CPVL: variants seen among roughly 807,000 people sequenced by gnomAD.
CPVL encodes the protein probable serine carboxypeptidase CPVL.
CPVL carries 51 observed loss-of-function variants against 63.7 expected under a neutral mutation model. That is an observed-to-expected ratio of 0.80 (90% CI 0.64 to 1.01). The LOEUF (loss-of-function observed/expected upper bound fraction) is 1.01. Ranked by LOEUF, CPVL falls within the 50% of genes least tolerant of loss-of-function variation. The pLI is 0.00. For synonymous variants in CPVL, 195 were observed against 206.0 expected (o/e 0.95, Z 0.46); for missense variants, 530 against 573.1 (o/e 0.92, Z 0.77).
chr7:29,145,229 C>T (rs245873), intron 1 of CPVL, among the ~76,000 whole-genome samples: 95,944 of 151,660 alleles, frequency 0.63, 30,473 homozygotes, highest in East Asian at 0.69. Context: ...GGACTTTTTA[C>T]TCTGCTTACA....
intron 12 of CPVL, among the ~76,000 whole-genome samples, chr7:29,026,481 T>C (rs904760481): frequency 6.6e-6 from 1 of 151,508 alleles, no homozygotes; most frequent in African/African-American, 2.4e-5. Context: ...AAAGGAATAA[T>C]AACAATCAGA....
intron 6 of CPVL, among the ~76,000 whole-genome samples, chr7:29,091,706 T>C (rs1402662452): frequency 1.3e-5 from 2 of 152,190 alleles, no homozygotes; most frequent in Non-Finnish European, 2.9e-5. Flanking sequence ...ACAACAGCCA[T>C]ATTCTTTTCT....
At chr7:29,005,314 C>T (rs1359390273) in intron 12 of CPVL, among the ~76,000 whole-genome samples, 33 of 152,050 alleles carry the variant, frequency 2.2e-4, no homozygotes, top group Admixed American at 2.2e-3. Context: ...ATTTTTTTCC[C>T]TTTAAGAAGT....
chr7:29,059,200 A>G (rs147901914), intron 11 of CPVL, among the ~76,000 whole-genome samples: 1 of 152,226 alleles, frequency 6.6e-6, no homozygotes, highest in African/African-American at 2.4e-5. Flanking sequence ...AGCCCACCAA[A>G]GACATTCTTT....
At chr7:29,179,371 C>T (rs1265227256) in intron 5 of CPVL, among the ~76,000 whole-genome samples, 1 of 152,238 alleles carries the variant, frequency 6.6e-6, no homozygotes, top group East Asian at 1.9e-4. Flanking sequence ...TGTCAGCCTT[C>T]TTCAGTCAGC....
rs200114640 is a variant in CPVL at position 29,112,657 on chromosome 7, G to A, written c.288+47C>T. ...TAGGCTAACATTTCTACCCTCAAAC[G>A]GCAAGCCAGGTCTTGAACACTGGTG... is the stretch of plus-strand genomic sequence containing the variant. On this transcript the variant is annotated intron_variant, in intron 3 of 12. Transcript: ENST00000265394. The A allele has an allele frequency of 2.1e-4, 274 of 1,276,190 alleles. 3 individuals are homozygous for A. The Middle Eastern group carries it at 5.3e-3, about 25-fold the overall frequency. 79.1% of individuals were successfully genotyped at this position (1,276,190 alleles called of 1,614,324 possible). A position where few individuals can be genotyped will look rare whatever the true frequency, so the allele number is the denominator to read the frequency against.
intron 2 of CPVL, 172 bp from the exon 3 acceptor site, chr7:29,112,994 A>G: frequency 1.9e-6 from 1 of 538,892 alleles, no homozygotes; most frequent in Non-Finnish European, 3.3e-6. Flanking sequence ...AATCCCACAT[A>G]GTCCACGTTC....
intron 11 of CPVL, among the ~76,000 whole-genome samples, chr7:29,051,532 AAAACCACCATGCGATACC>A (rs1790160815): frequency 6.6e-6 from 1 of 152,254 alleles, no homozygotes; most frequent in Admixed American, 6.5e-5. Context: ...AATGCAAATT[AAAACCACCATGCGATACC>A]ACCTCACTCC....
chr7:29,073,933 A>T (rs1783990062), intron 7 of CPVL, among the ~76,000 whole-genome samples: 1 of 152,210 alleles, frequency 6.6e-6, no homozygotes, highest in African/African-American at 2.4e-5. Flanking sequence ...CAGACTAGAG[A>T]CATTATGTGG....
At chr7:28,998,520 G>A (rs1784308232) in intron 12 of CPVL, among the ~76,000 whole-genome samples, 1 of 152,176 alleles carries the variant, frequency 6.6e-6, no homozygotes, top group Admixed American at 6.5e-5. Context: ...TGGGAAACAA[G>A]TATTACCTCG....
intron 5 of CPVL, among the ~76,000 whole-genome samples, chr7:29,172,577 CT>C (rs1378517332): frequency 6.6e-6 from 1 of 152,118 alleles, no homozygotes; most frequent in Non-Finnish European, 1.5e-5. Flanking sequence ...TGTTAACACC[CT>C]CCAGATAAAT....
upstream of CPVL, among the ~76,000 whole-genome samples, chr7:29,150,292 C>T (rs1793411860): frequency 6.6e-6 from 1 of 152,046 alleles, no homozygotes; most frequent in Non-Finnish European, 1.5e-5. Context: ...AGCTATCTTG[C>T]GGTATTATCA....
At chr7:29,179,839 G>C (rs1043218315) in intron 5 of CPVL, among the ~76,000 whole-genome samples, 1 of 152,178 alleles carries the variant, frequency 6.6e-6, no homozygotes, top group Non-Finnish European at 1.5e-5. Flanking sequence ...CTGAGTTAGT[G>C]CATGTGAGGA....
At chr7:29,146,626 A>G (rs1792723952), upstream of CPVL, 13 of 1,550,538 alleles carry the variant, frequency 8.4e-6, no homozygotes, top group Middle Eastern at 1.7e-4. Flanking sequence ...GTCGTGTCCC[A>G]ACCTCCTGGT....
At chr7:29,154,137 A>G (rs1208082170) in intron 5 of CPVL, among the ~76,000 whole-genome samples, 4 of 152,248 alleles carry the variant, frequency 2.6e-5, no homozygotes, top group African/African-American at 7.2e-5. Context: ...TCACCACATC[A>G]CAGCCTCATT....
chr7:29,028,266 T>C (rs932079345), intron 12 of CPVL, among the ~76,000 whole-genome samples: 2 of 152,172 alleles, frequency 1.3e-5, no homozygotes, highest in African/African-American at 2.4e-5. Flanking sequence ...ACTAAACCCC[T>C]ATCTCTCACC....
chr7:29,065,978 A>G (rs1242438782), intron 10 of CPVL, 45 bp downstream of exon 10: 1 of 1,261,312 alleles, frequency 7.9e-7, no homozygotes, highest in East Asian at 2.3e-5. Context: ...CGGTTTTGCC[A>G]AAAGTTTTAA....
chr7:29,120,605 C>T (rs1005543124), intron 2 of CPVL, among the ~76,000 whole-genome samples: 3 of 151,330 alleles, frequency 2.0e-5, no homozygotes, highest in Non-Finnish European at 2.9e-5. Context: ...GGGTGAATCT[C>T]GAGGTCAAGA....
chr7:29,166,079 G>A (rs1245037157), intron 5 of CPVL, among the ~76,000 whole-genome samples: 1 of 152,152 alleles, frequency 6.6e-6, no homozygotes, highest in Non-Finnish European at 1.5e-5. Flanking sequence ...TGCCTAGGCT[G>A]GAGTGCAGTG....
Sources: gnomAD v4.1 joint callset for allele counts (sites outside exome capture counted in the v4.1 genomes callset) on GRCh38, gnomAD v4.1.1 for gene constraint, MANE v1.5 for transcripts, NCBI Gene and HGNC (gene_info 2026-07-23, HGNC 2026-07-21) for gene names.